Variants in OTOF observed in about 807,000 individuals in gnomAD.
OTOF encodes the protein fer-1-like family member 2.
In OTOF, 218 loss-of-function variants were observed where a neutral mutation model predicts 236.8. That is an observed-to-expected ratio of 0.92 (90% confidence interval 0.82 to 1.03). OTOF has a LOEUF of 1.03. OTOF is among the 50% of genes least tolerant of loss of function. The pLI is 0.00. For synonymous variants in OTOF, 1,041 were observed against 1,072.5 expected (o/e 0.97, Z 0.57); for missense variants, 2,590 against 2,694.4 (o/e 0.96, Z 0.86).
intron 8 of OTOF, among the ~76,000 whole-genome samples, chr2:26,498,630 T>C (rs1228630244): frequency 1.3e-5 from 2 of 152,160 alleles, no homozygotes. Flanking sequence ...ACCATCTCCT[T>C]TCAAGATAAG....
intron 8 of OTOF, among the ~76,000 whole-genome samples, chr2:26,501,521 T>A (rs1666115320): frequency 6.6e-6 from 1 of 152,240 alleles, no homozygotes; most frequent in Non-Finnish European, 1.5e-5. Flanking sequence ...CTGGAAGGGC[T>A]TTGATTAGCA....
intron 1 of OTOF, among the ~76,000 whole-genome samples, chr2:26,554,028 G>A (rs933419880): frequency 6.6e-5 from 10 of 151,972 alleles, no homozygotes; most frequent in African/African-American, 1.2e-4. Flanking sequence ...AAAATTAGTC[G>A]GGCATGGTGG....
chr2:26,469,863 C>G (rs933907687), intron 32 of OTOF, among the ~76,000 whole-genome samples: 4 of 152,224 alleles, frequency 2.6e-5, no homozygotes, highest in African/African-American at 9.6e-5. Context: ...TCAGCTCTGG[C>G]CCCACTGAGG....
chr2:26,465,837 A>AAGGACCTGGTGGGGTGGAGTT lies in OTOF; in HGVS notation c.4629-16_4633dup (p.Ser1544_Phe1545insTer). ...CATGGGGAAGGAGGCCTCGATGTCA[A>AAGGACCTGGTGGGGTGGAGTT]AGGACCTGGTGGGGTGGAGTTAGGA... On this transcript the variant is annotated stop_gained, in exon 38 of 47. Coordinates refer to ENST00000272371, the MANE Select transcript of OTOF (RefSeq NM_194248.3). LOFTEE classifies it high-confidence loss of function. 1 of 1,614,210 alleles carries AAGGACCTGGTGGGGTGGAGTT rather than the reference A, an allele frequency of 6.2e-7. No homozygotes were observed. The highest frequency in any genetic ancestry group is 8.5e-7 in the Non-Finnish European group (1 of 1,180,028).
chr2:26,505,881 A>G (rs948571642), intron 5 of OTOF, among the ~76,000 whole-genome samples: 3 of 152,242 alleles, frequency 2.0e-5, no homozygotes, highest in African/African-American at 7.2e-5. Flanking sequence ...CTCACAGATC[A>G]TACCCATGTT....
At chr2:26,493,312 A>G (rs1665893074) in intron 9 of OTOF, among the ~76,000 whole-genome samples, 1 of 152,190 alleles carries the variant, frequency 6.6e-6, no homozygotes, top group Admixed American at 6.5e-5. Context: ...GAGGACTCTC[A>G]GAGCTGCCTG....
Position 26,479,465 on chromosome 2 carries a change from G to A in OTOF, c.2093+8C>T, listed in dbSNP as rs1282063353. The A allele has an allele frequency of 6.2e-7, 1 of 1,602,394 alleles. No individual in the cohort carries two copies. Among genetic ancestry groups the A allele is most frequent in the East Asian group, 2.2e-5 (1 of 44,512 alleles). On this transcript the variant is annotated splice_region_variant and intron_variant, in intron 17 of 46. Transcript: ENST00000272371. ...CCAGGCCACAGGAGGATGGGAGGCT[G>A]GGCCCACCTGTCGGTGACCTGGGGC...
chr2:26,463,709 A>G (rs1664592711), intron 40 of OTOF, 138 bp from the exon 41 acceptor site: 3 of 850,836 alleles, frequency 3.5e-6, no homozygotes, highest in Admixed American at 4.1e-5. Flanking sequence ...AGGAATTCCT[A>G]TGATGTCACC....
rs375395837 is a variant in OTOF, at chr2:26,460,212, T to A, written c.5814-7A>T. The A allele has an allele frequency of 2.9e-5, 47 of 1,594,446 alleles. No individual in the cohort carries two copies. The African/African-American group carries it at 5.5e-4, about 19-fold the overall frequency. On this transcript the variant is annotated splice_region_variant and splice_polypyrimidine_tract_variant and intron_variant, in intron 45 of 46. Coordinates refer to ENST00000272371, the MANE Select transcript of OTOF (RefSeq NM_194248.3). This position sits in a 1 kb window ranked among gnomAD's most constrained non-coding sequence, Gnocchi z 5.3. ...GAAGCTCGTGTCGGGCCGGCTGGAG[T>A]ATGAAGGGTAGAGAGCGCAGAGGAG...
chr2:26,523,480 C>T (rs1017380691), intron 3 of OTOF, among the ~76,000 whole-genome samples: 3 of 152,182 alleles, frequency 2.0e-5, no homozygotes, highest in African/African-American at 4.8e-5. Context: ...GCTCATTTCT[C>T]GTCCTGGGAC....
chr2:26,489,131 G>A, intron 11 of OTOF, 80 bp downstream of exon 11: 1 of 1,014,006 alleles, frequency 9.9e-7, no homozygotes, highest in Non-Finnish European at 1.5e-6. Context: ...CCCAGGAACT[G>A]CCACAGTGGG....
chr2:26,478,690 G>GTTTTA (rs72297334), intron 18 of OTOF, among the ~76,000 whole-genome samples: 7 of 150,604 alleles, frequency 4.6e-5, no homozygotes, highest in Non-Finnish European at 4.4e-5. Context: ...TTTTTATTTT[G>GTTTTA]TTTTATTTTA....
chr2:26,472,611 C>T lies in OTOF; in HGVS notation c.3772G>A (p.Gly1258Ser), dbSNP rs1022380480. 6.2e-7 allele frequency: 1 copy of T among 1,613,318 alleles called. No individual in the cohort carries two copies. The highest frequency in any genetic ancestry group is 8.5e-7 in the Non-Finnish European group (1 of 1,179,916). The change falls in exon 30 of 47, where the codon GGC (glycine) becomes AGC (serine). Residue 1258 changes from glycine to serine, a missense_variant. This residue lies in a region of OTOF where 1,211 missense variants were observed against 1,352.8 expected (regional missense o/e 0.90). Transcript: ENST00000272371. ...TCCCCTGTGGAGTGAGAGGAGGAGCCCCCATTGCACAGCACACGGCAGCGC... is the reference window on the plus strand; with the variant it reads ...TCCCCTGTGGAGTGAGAGGAGGAGCTCCCATTGCACAGCACACGGCAGCGC... ...LRRCRVLCNG[G>S]SSSHSTGEVV...
chr2:26,531,388 A>T (rs4665333), intron 2 of OTOF, among the ~76,000 whole-genome samples: 104,945 of 151,762 alleles, frequency 0.69, 37,276 homozygotes, highest in African/African-American at 0.79. Context: ...ATCTGTGAAA[A>T]GAGGGGGGTG....
At chr2:26,531,086 C>G (rs1007805661) in intron 2 of OTOF, among the ~76,000 whole-genome samples, 1 of 152,170 alleles carries the variant, frequency 6.6e-6, no homozygotes, top group Non-Finnish European at 1.5e-5. Context: ...TGGGGATTCC[C>G]CTTCCTAGCA....
intron 9 of OTOF, among the ~76,000 whole-genome samples, chr2:26,492,607 C>G (rs886531993): frequency 6.6e-6 from 1 of 152,170 alleles, no homozygotes; most frequent in Non-Finnish European, 1.5e-5. Context: ...GTCTGGTGTG[C>G]GGCAGATGCT....
rs1341357255 is a variant in OTOF at position 26,552,088 on chromosome 2, A to T, written c.79+6405T>A. Among the ~76,000 whole-genome samples the T allele has an allele frequency of 1.5e-4, 7 of 45,830 alleles. No homozygotes were observed. In the Admixed American group the frequency reaches 2.3e-3, roughly 15 times the overall value. 30.1% of individuals were successfully genotyped at this position (45,830 alleles called of 152,430 possible). A position where few individuals can be genotyped will look rare whatever the true frequency, so the allele number is the denominator to read the frequency against. ...TTTGAGAGTTTTTTTATATATAAAA[A>T]GTTAAAAAAAAAAAAAAAAGGCCAG... is the stretch of plus-strand genomic sequence containing the variant. On this transcript the variant is annotated intron_variant, in intron 1 of 46. Transcript: ENST00000272371.
In OTOF at chr2:26,519,958, T is replaced by C. The variant is rs572190408; in HGVS notation, c.228-849A>G. On this transcript the variant is annotated intron_variant, in intron 3 of 46. Transcript: ENST00000272371. ...AGGGCATGGGTGGTGCTTTTTATTCTAGCCTCTGTTTGACATTTCTAGCAC... is the reference window on the plus strand; with the variant it reads ...AGGGCATGGGTGGTGCTTTTTATTCCAGCCTCTGTTTGACATTTCTAGCAC... 7.2e-5 allele frequency among the ~76,000 whole-genome samples: 11 copies of C among 152,346 alleles called. No homozygotes were observed. The East Asian group carries it at 2.1e-3, about 29-fold the overall frequency.
At chr2:26,512,010 T>G (rs1185121606) in intron 5 of OTOF, among the ~76,000 whole-genome samples, 4 of 151,944 alleles carry the variant, frequency 2.6e-5, no homozygotes, top group Non-Finnish European at 4.4e-5. Context: ...GGCCCCAGCA[T>G]AGGAGGAAGT....
Sources: gnomAD v4.1 joint callset for allele counts (sites outside exome capture counted in the v4.1 genomes callset) on GRCh38, gnomAD v4.1.1 for gene constraint, gnomAD v4.1.1 regional missense constraint, Gnocchi (gnomAD v3.1) non-coding constraint, MANE v1.5 for transcripts, NCBI Gene and HGNC (gene_info 2026-07-23, HGNC 2026-07-21) for gene names.